PARP16: variants seen among roughly 807,000 people sequenced by gnomAD.
PARP16 encodes poly(ADP-ribose) polymerase family member 16, also known as protein mono-ADP-ribosyltransferase PARP16.
In PARP16, 31 loss-of-function variants were observed where a neutral mutation model predicts 35.0. That is an observed-to-expected ratio of 0.88 (90% CI 0.66 to 1.19). The LOEUF (loss-of-function observed/expected upper bound fraction) is 1.19, where lower values mean the gene tolerates loss of function less well. Among genes scored for constraint, PARP16 ranks in the 50% most tolerant of loss-of-function variants. The pLI, the probability that PARP16 is intolerant of heterozygous loss-of-function variation, is 0.00. For synonymous variants in PARP16, 162 were observed against 169.5 expected, an observed-to-expected ratio of 0.96 and a Z score of 0.34; for missense variants, 424 against 411.2, an observed-to-expected ratio of 1.03 and a Z score of -0.27.
In PARP16 at chr15:65,263,177, CG is replaced by C; in HGVS notation, c.662del (p.Pro221ArgfsTer15). Reference sequence around the variant, plus strand: ...TCTTCTTGGTTTGGCACTTGACGTCCGGATGGTCAATGACCTCACACACGGC... The same window carrying C: ...TCTTCTTGGTTTGGCACTTGACGTCCGATGGTCAATGACCTCACACACGGC... ...CVAVCEVIDH[P>X]DVKCQTKKKD... On this transcript the variant is annotated frameshift_variant, in exon 4 of 6. Transcript: ENST00000649807. LOFTEE classifies it high-confidence loss of function. 6.2e-7 allele frequency: 1 copy of C among 1,614,030 alleles called. No individual in the cohort carries two copies.
intron 3 of PARP16, among the ~76,000 whole-genome samples, chr15:65,244,033 A>G (rs2089143963): frequency 6.6e-6 from 1 of 152,072 alleles, no homozygotes; most frequent in Admixed American, 6.6e-5. Context: ...GGCTATCCCA[A>G]GAGTATGCCA....
At chr15:65,262,413 T>C (rs1413468639) in intron 4 of PARP16, among the ~76,000 whole-genome samples, 1 of 152,194 alleles carries the variant, frequency 6.6e-6, no homozygotes, top group African/African-American at 2.4e-5. Context: ...ATTACAGGCG[T>C]GAGCCATACC....
downstream of PARP16, among the ~76,000 whole-genome samples, chr15:65,256,756 A>T (rs1051352648): frequency 2.6e-5 from 4 of 152,094 alleles, no homozygotes; most frequent in African/African-American, 9.7e-5. Flanking sequence ...CTACCTCTCC[A>T]GCCTGATTTC....
downstream of PARP16, among the ~76,000 whole-genome samples, chr15:65,231,578 T>C (rs1333936754): frequency 6.6e-6 from 1 of 151,662 alleles, no homozygotes; most frequent in South Asian, 2.1e-4. Context: ...CCCTCCAGAG[T>C]AGCTGGGACT....
At chr15:65,240,362 G>T (rs1019372700) in intron 3 of PARP16, among the ~76,000 whole-genome samples, 1 of 146,212 alleles carries the variant, frequency 6.8e-6, no homozygotes, top group African/African-American at 2.6e-5. Context: ...GTGTGTGTGT[G>T]TTGGGATTAC....
intron 1 of PARP16, among the ~76,000 whole-genome samples, chr15:65,280,575 TA>T (rs1298437547): frequency 2.0e-5 from 3 of 152,066 alleles, no homozygotes; most frequent in African/African-American, 7.2e-5. Context: ...AGCAAAATTT[TA>T]AAATTATAAA....
chr15:65,286,348 A>C lies in PARP16; in HGVS notation c.79T>G (p.Phe27Val), dbSNP rs1271008893. 1.3e-6 allele frequency: 2 copies of C among 1,598,676 alleles called. No homozygotes were observed. Among genetic ancestry groups the C allele is most frequent in the Admixed American group, 3.4e-5 (2 of 58,200 alleles). ...TTGTAGCTCTGCAGGGCCGAGGCGAAGAGGCTGCACCGGAGGTCGGCGGCC... is the reference window on the plus strand; with the variant it reads ...TTGTAGCTCTGCAGGGCCGAGGCGACGAGGCTGCACCGGAGGTCGGCGGCC... ...MLAADLRCSLFASALQSYKRD... is the reference protein window; with the variant it reads ...MLAADLRCSLVASALQSYKRD... The change falls in exon 1 of 6, where the codon TTC (phenylalanine) becomes GTC (valine). Residue 27 changes from phenylalanine (F) to valine (V), a missense_variant. Physicochemically the swap from Phe to Val is conservative, Grantham distance 50. Transcript: ENST00000649807.
chr15:65,274,640 C>T (rs2090195253), intron 1 of PARP16, among the ~76,000 whole-genome samples: 1 of 151,758 alleles, frequency 6.6e-6, no homozygotes, highest in African/African-American at 2.4e-5. Flanking sequence ...TATTTCTATG[C>T]CTTGCTTACT....
chr15:65,262,412 G>A (rs766078859), intron 4 of PARP16, among the ~76,000 whole-genome samples: 33 of 152,150 alleles, frequency 2.2e-4, no homozygotes, highest in Non-Finnish European at 3.7e-4. Context: ...GATTACAGGC[G>A]TGAGCCATAC....
intron 3 of PARP16, among the ~76,000 whole-genome samples, chr15:65,247,730 A>T (rs570986916): frequency 7.8e-4 from 118 of 151,900 alleles, no homozygotes; most frequent in Non-Finnish European, 1.4e-3. Context: ...ACATTCACAC[A>T]GACAGACACA....
rs71136331 is a variant in PARP16 at position 65,250,107 on chromosome 15, C to CT, written c.203-1880dup. Among the ~76,000 whole-genome samples, 587 of 87,082 alleles carry CT rather than the reference C, an allele frequency of 6.7e-3. 120 individuals carry two copies. The highest frequency in any genetic ancestry group is 0.023 in the African/African-American group (423 of 18,316). The allele number at this position is 87,082 out of a possible 152,430, so 57.1% of individuals were successfully genotyped here. On this transcript the variant is annotated intron_variant and NMD_transcript_variant, in intron 2 of 3. Coordinates refer to the PARP16 transcript ENST00000559805. ...TAGCTGCAGCCTTGCACCTGCTTGC[C>CT]TTTTTTTTTTTTTTTTTTTTTTTTT...
intron 3 of PARP16, among the ~76,000 whole-genome samples, chr15:65,235,333 A>C (rs1331580129): frequency 6.6e-6 from 1 of 151,908 alleles, no homozygotes; most frequent in African/African-American, 2.4e-5. Context: ...TAAAAAATAA[A>C]ATAAAATAAA....
At chr15:65,241,288 G>C (rs537555461) in intron 3 of PARP16, among the ~76,000 whole-genome samples, 1 of 151,584 alleles carries the variant, frequency 6.6e-6, no homozygotes, top group African/African-American at 2.4e-5. Context: ...TTACAGGCGT[G>C]TGCCACCACA....
intron 3 of PARP16, among the ~76,000 whole-genome samples, chr15:65,242,324 C>G (rs903780251): frequency 6.6e-6 from 1 of 151,970 alleles, no homozygotes; most frequent in Non-Finnish European, 1.5e-5. Context: ...TTGCATAATA[C>G]TTTAAAAAAT....
At chr15:65,244,934 C>T (rs1391784613) in intron 3 of PARP16, among the ~76,000 whole-genome samples, 3 of 152,158 alleles carry the variant, frequency 2.0e-5, no homozygotes, top group African/African-American at 7.2e-5. Context: ...ACTGACAAGC[C>T]AACTGCAAAG....
At chr15:65,269,205 T>TCTCTCTCTCTCTCTCTCCTCTCTCTC (rs1567029678) in intron 2 of PARP16, among the ~76,000 whole-genome samples, 13 of 147,376 alleles carry the variant, frequency 8.8e-5, no homozygotes, top group African/African-American at 3.1e-4. Flanking sequence ...TCTTTCTTTC[T>TCTCTCTCTCTCTCTCTCCTCTCTCTC]TTTTTTTTTG....
chr15:65,260,805 G>A (rs1205653002), intron 5 of PARP16, 80 bp downstream of exon 5: 2 of 1,316,604 alleles, frequency 1.5e-6, no homozygotes, highest in Non-Finnish European at 1.1e-6. Flanking sequence ...CTAAGGCTGG[G>A]GGAGGGGAGG....
chr15:65,252,010 C>T (rs1467186236), intron 2 of PARP16, among the ~76,000 whole-genome samples: 6 of 152,090 alleles, frequency 3.9e-5, no homozygotes, highest in African/African-American at 1.2e-4. Flanking sequence ...GTGATCCACC[C>T]GCCTCGGCCT....
chr15:65,269,035 G>A (rs72729102), intron 2 of PARP16, among the ~76,000 whole-genome samples: 33,510 of 151,960 alleles, frequency 0.22, 4,504 homozygotes, highest in Admixed American at 0.31. Flanking sequence ...AATTACAGGC[G>A]TGAGCTTGTA....
Sources: allele counts gnomAD v4.1 joint callset (sites outside exome capture counted in the v4.1 genomes callset), GRCh38; gene constraint gnomAD v4.1.1; transcripts MANE v1.5; gene names NCBI Gene and HGNC (gene_info 2026-07-23, HGNC 2026-07-21).